Variants in EXOC5 observed in about 807,000 individuals in gnomAD.
The protein encoded by EXOC5 is exocyst complex component 5.
A neutral mutation model predicts 90.8 loss-of-function variants in EXOC5; 17 were observed. That is an observed-to-expected ratio of 0.19 (90% CI 0.13 to 0.28). The LOEUF is 0.28. EXOC5 is among the 10% of genes least tolerant of loss of function. EXOC5 has a pLI of 1.00. For synonymous variants in EXOC5, 260 were observed against 270.0 expected, an observed-to-expected ratio of 0.96 and a Z score of 0.36; for missense variants, 569 against 830.6, an observed-to-expected ratio of 0.69 and a Z score of 3.87.
chr14:57,254,416 CA>C (rs1884286280), intron 1 of EXOC5, among the ~76,000 whole-genome samples: 1 of 148,746 alleles, frequency 6.7e-6, no homozygotes. Context: ...GCCTGGGTAA[CA>C]GAGTGAGTGA....
Position 57,202,522 on chromosome 14 carries a change from TTC to T in EXOC5, c.*6085_*6086del, listed in dbSNP as rs565360724. ...TTTATTTGTACAGTATTTACAACCC[TTC>T]TGTTAAGTCTGATTGTTTCAAAAAT... On this transcript the variant is annotated 3_prime_UTR_variant, in exon 18 of 18. Transcript: ENST00000621441. 3.3e-5 allele frequency: 5 copies of T among 152,332 alleles called. No individual in the cohort carries two copies. In the East Asian group the frequency reaches 9.6e-4, roughly 29 times the overall value. The allele number at this position is 152,332 out of a possible 1,614,324, so 9.4% of individuals were successfully genotyped here.
At chr14:57,247,563 T>TGG in intron 2 of EXOC5, 55 bp downstream of exon 2, 1 of 765,942 alleles carries the variant, frequency 1.3e-6, no homozygotes, top group Non-Finnish European at 2.1e-6. Context: ...ATCTCTATTC[T>TGG]AACACTAATG....
intron 6 of EXOC5, among the ~76,000 whole-genome samples, chr14:57,236,265 G>A (rs908681061): frequency 1.3e-5 from 2 of 149,400 alleles, no homozygotes; most frequent in Non-Finnish European, 3.0e-5. Context: ...ATAATATGCA[G>A]TATTTATATT....
chr14:57,213,338 C>T (rs10133566), intron 15 of EXOC5, among the ~76,000 whole-genome samples: 34,244 of 151,872 alleles, frequency 0.23, 9,023 homozygotes, highest in African/African-American at 0.64. Flanking sequence ...ACTATGATTG[C>T]GCCACTGCAC....
chr14:57,266,328 G>A lies in EXOC5; in HGVS notation c.27+2294C>T, dbSNP rs10151018. On this transcript the variant is annotated intron_variant, in intron 1 of 17. Transcript: ENST00000621441. ...AGTTACAGGAAACTGAGCAGTGACA[G>A]GATTTTTTTTCCTCCTCCCTCCAAG... Among the ~76,000 whole-genome samples the A allele has an allele frequency of 4.4e-3, 669 of 152,252 alleles. 7 individuals are homozygous for A. Among genetic ancestry groups the A allele is most frequent in the African/African-American group, 0.015 (627 of 41,552 alleles).
intron 13 of EXOC5, among the ~76,000 whole-genome samples, chr14:57,221,697 T>C (rs574539664): frequency 6.6e-6 from 1 of 152,082 alleles, no homozygotes; most frequent in African/African-American, 2.4e-5. Context: ...AAAACTGACA[T>C]ACAATAATCA....
chr14:57,243,428 G>A (rs950491642), intron 4 of EXOC5: 3 of 152,048 alleles, frequency 2.0e-5, no homozygotes, highest in Admixed American at 2.0e-4. Context: ...AATATTCTAT[G>A]GAGTAAATCT....
intron 4 of EXOC5, chr14:57,243,636 G>T (rs1429997320): frequency 6.6e-6 from 1 of 152,508 alleles, no homozygotes; most frequent in Non-Finnish European, 1.5e-5. Context: ...AGTGACTAGT[G>T]CTATGAAAAG....
rs1884789457 is a variant in EXOC5 at position 57,268,803 on chromosome 14, G to A, written c.-155C>T. ...GCTCCCCACAGATCCCAGGAGGGGC[G>A]GGAGAGCGGCCATGAAGCGAAGCCG... On this transcript the variant is annotated 5_prime_UTR_variant, in exon 1 of 18. Transcript: ENST00000621441. 7.1e-7 allele frequency: 1 copy of A among 1,408,754 alleles called. No homozygotes were observed. Among genetic ancestry groups the A allele is most frequent in the Non-Finnish European group, 9.2e-7 (1 of 1,088,720 alleles). 87.3% of individuals were successfully genotyped at this position (1,408,754 alleles called of 1,614,324 possible). A position where few individuals can be genotyped will look rare whatever the true frequency, so the allele number is the denominator to read the frequency against.
In EXOC5 at chr14:57,205,759, A is replaced by G. The variant is rs1254376826; in HGVS notation, c.*2850T>C. On this transcript the variant is annotated 3_prime_UTR_variant, in exon 18 of 18. Coordinates refer to ENST00000621441, the MANE Select transcript of EXOC5 (RefSeq NM_006544.4). Reference sequence around the variant, plus strand: ...GAAGTGAAAGAGGGGGGAAAAAAGAATGATCTACAATGTAATATAAATTAA... The same window carrying G: ...GAAGTGAAAGAGGGGGGAAAAAAGAGTGATCTACAATGTAATATAAATTAA... The G allele has an allele frequency of 2.5e-5, 10 of 394,378 alleles. No homozygotes were observed. Among genetic ancestry groups the G allele is most frequent in the Non-Finnish European group, 2.4e-5 (5 of 205,352 alleles). The allele number at this position is 394,378 out of a possible 1,614,324, so 24.4% of individuals were successfully genotyped here. A position where few individuals can be genotyped will look rare whatever the true frequency, so the allele number is the denominator to read the frequency against.
At chr14:57,235,852 C>A in intron 6 of EXOC5, 32 bp from the exon 7 acceptor site, 1 of 986,502 alleles carries the variant, frequency 1.0e-6, no homozygotes, top group Non-Finnish European at 1.6e-6. Context: ...TACACTGAGG[C>A]ATACAAGGCA....
At position 57,268,391 on chromosome 14, in the gene EXOC5, G is replaced by T. The variant is rs944776736; in HGVS notation, c.27+231C>A. The T allele has an allele frequency of 9.8e-6, 12 of 1,226,244 alleles. No homozygotes were observed. The African/African-American group carries it at 1.7e-4, about 17-fold the overall frequency. 76.0% of individuals were successfully genotyped at this position (1,226,244 alleles called of 1,614,324 possible). ...CAACCCTCCTCCCTTGGGACACCCGGCTTCCCCTCTCTGCCGACCGGCCGC... is the reference window on the plus strand; with the variant it reads ...CAACCCTCCTCCCTTGGGACACCCGTCTTCCCCTCTCTGCCGACCGGCCGC... On this transcript the variant is annotated intron_variant, in intron 1 of 17. Transcript: ENST00000621441.
intron 3 of EXOC5, among the ~76,000 whole-genome samples, chr14:57,244,843 A>G (rs1883987575): frequency 6.6e-6 from 1 of 152,152 alleles, no homozygotes; most frequent in African/African-American, 2.4e-5. Context: ...CTAAAAATAC[A>G]AATATTAGCT....
rs1566720449 is a variant in EXOC5 at position 57,201,460 on chromosome 14, G to GCGTGTATATGTACACACA, written c.*7131_*7148dup. On this transcript the variant is annotated 3_prime_UTR_variant, in exon 18 of 18. Coordinates refer to ENST00000621441, the MANE Select transcript of EXOC5 (RefSeq NM_006544.4). The stretch of plus-strand genomic sequence containing the variant: ...CACACACGTGTGTATATATACACAC[G>GCGTGTATATGTACACACA]CGTGTATATGTACACACACGTGTAT... 3 of 141,150 alleles carry GCGTGTATATGTACACACA rather than the reference G, an allele frequency of 2.1e-5. No individual in the cohort carries two copies. Among genetic ancestry groups the GCGTGTATATGTACACACA allele is most frequent in the Non-Finnish European group, 4.5e-5 (3 of 66,480 alleles). 8.7% of individuals were successfully genotyped at this position (141,150 alleles called of 1,614,324 possible).
At chr14:57,221,469 G>C (rs1883138032) in intron 13 of EXOC5, among the ~76,000 whole-genome samples, 1 of 152,190 alleles carries the variant, frequency 6.6e-6, no homozygotes, top group Non-Finnish European at 1.5e-5. Context: ...AATGTACACA[G>C]GGAGACCAGT....
Position 57,232,007 on chromosome 14 carries a change from AG to A in EXOC5, c.939-293del, listed in dbSNP as rs554137546. 54 of 294,430 alleles carry A rather than the reference AG, an allele frequency of 1.8e-4. 2 individuals are homozygous for A. The South Asian group carries it at 2.3e-3, about 12-fold the overall frequency. 18.2% of individuals were successfully genotyped at this position (294,430 alleles called of 1,614,324 possible). A position where few individuals can be genotyped will look rare whatever the true frequency, so the allele number is the denominator to read the frequency against. On this transcript the variant is annotated intron_variant, in intron 10 of 17. Coordinates refer to ENST00000621441, the MANE Select transcript of EXOC5 (RefSeq NM_006544.4). ...TGGCGACAGTGGCAGATTGGCCTCA[AG>A]TATGTCTAATGCCATTCATCACATG...
rs1882588872 is a variant in EXOC5, at chr14:57,204,440, C to T, written c.*4169G>A. 6.6e-6 allele frequency: 1 copy of T among 152,188 alleles called. No homozygotes were observed. Among genetic ancestry groups the T allele is most frequent in the East Asian group, 1.9e-4 (1 of 5,184 alleles). 9.4% of individuals were successfully genotyped at this position (152,188 alleles called of 1,614,324 possible). ...AAAATGACTATCTACTGTTAATATA[C>T]TAAATATTTTGCCTTACATTTTCAC... On this transcript the variant is annotated 3_prime_UTR_variant, in exon 18 of 18. Transcript: ENST00000621441.
chr14:57,203,876 T>G lies in EXOC5; in HGVS notation c.*4733A>C, dbSNP rs1243240668. ...ATACATGTTATCAGCAGCATGATGT[T>G]GACCATGTTCTAATCCATTCCACCT... On this transcript the variant is annotated 3_prime_UTR_variant, in exon 18 of 18. Coordinates refer to ENST00000621441, the MANE Select transcript of EXOC5 (RefSeq NM_006544.4). 1 of 152,664 alleles carries G rather than the reference T, an allele frequency of 6.6e-6. No homozygotes were observed. The highest frequency in any genetic ancestry group is 1.9e-4 in the East Asian group (1 of 5,206). The allele number at this position is 152,664 out of a possible 1,614,324, so 9.5% of individuals were successfully genotyped here.
intron 3 of EXOC5, among the ~76,000 whole-genome samples, chr14:57,244,893 G>C (rs1408142595): frequency 6.6e-6 from 1 of 152,102 alleles, no homozygotes; most frequent in African/African-American, 2.4e-5. Context: ...CTAGCTGGGA[G>C]GCTGAGGCAG....
Sources: gnomAD v4.1 joint callset for allele counts (sites outside exome capture counted in the v4.1 genomes callset) on GRCh38, gnomAD v4.1.1 for gene constraint, MANE v1.5 for transcripts, NCBI Gene and HGNC (gene_info 2026-07-23, HGNC 2026-07-21) for gene names.